Variants in ATP8B4 observed in about 807,000 individuals in gnomAD.
ATP8B4 encodes ATPase phospholipid transporting 8B4 (putative).
Under a neutral mutation model 145.6 loss-of-function variants are expected in ATP8B4, and 133 were observed. The ratio of observed to expected loss-of-function variants is 0.91; its 90% confidence interval spans 0.79 to 1.05. The LOEUF is 1.05. Among genes scored for constraint, ATP8B4 ranks in the 50% least tolerant of loss-of-function variants. The pLI is 0.00. For synonymous variants in ATP8B4, 507 were observed against 492.9 expected (o/e 1.03, Z -0.38); for missense variants, 1,458 against 1,425.2 (o/e 1.02, Z -0.37).
intron 12 of ATP8B4, among the ~76,000 whole-genome samples, chr15:49,976,060 C>T (rs557394539): frequency 5.9e-5 from 9 of 152,052 alleles, no homozygotes; most frequent in Non-Finnish European, 1.2e-4. Flanking sequence ...ACATGACATA[C>T]CTATGTTTCC....
At chr15:50,015,267 G>A (rs939289398) in intron 6 of ATP8B4, among the ~76,000 whole-genome samples, 3 of 152,182 alleles carry the variant, frequency 2.0e-5, no homozygotes, top group African/African-American at 7.2e-5. Context: ...GGGAAATTGG[G>A]ATGGAAGAGA....
chr15:49,904,637 T>C (rs1435087406), intron 20 of ATP8B4, among the ~76,000 whole-genome samples: 1 of 152,204 alleles, frequency 6.6e-6, no homozygotes, highest in Non-Finnish European at 1.5e-5. Flanking sequence ...GCCAACATGA[T>C]GTTCCCACTC....
chr15:49,889,433 C>T (rs549847098), intron 23 of ATP8B4, among the ~76,000 whole-genome samples: 1 of 152,292 alleles, frequency 6.6e-6, no homozygotes, highest in East Asian at 1.9e-4. Context: ...GAGTCTGGTC[C>T]GCGGGTTCTT....
rs769725370 is a variant in ATP8B4, at chr15:50,105,284, G to A, written c.28+1655C>T. On this transcript the variant is annotated intron_variant, in intron 2 of 27. Transcript: ENST00000284509. ...AAAAAAAAAAAAAAAGACCCCACGT[G>A]TGTGTTTGTACATATGAGGGCACGT... Among the ~76,000 whole-genome samples, 7 of 149,164 alleles carry A rather than the reference G, an allele frequency of 4.7e-5. 1 individual carries two copies. The highest frequency in any genetic ancestry group is 8.9e-5 in the Non-Finnish European group (6 of 67,648).
At chr15:49,910,020 C>T (rs1035554934) in intron 20 of ATP8B4, among the ~76,000 whole-genome samples, 1 of 151,598 alleles carries the variant, frequency 6.6e-6, no homozygotes, top group African/African-American at 2.4e-5. Flanking sequence ...ATGAAATTCC[C>T]ATAAAAATAA....
intron 23 of ATP8B4, among the ~76,000 whole-genome samples, chr15:49,889,123 G>A (rs1162397806): frequency 1.3e-5 from 2 of 151,858 alleles, no homozygotes; most frequent in African/African-American, 2.4e-5. Flanking sequence ...AAAAAAAAAA[G>A]GATATGGCCA....
intron 23 of ATP8B4, among the ~76,000 whole-genome samples, chr15:49,889,111 TA>T (rs1304871173): frequency 2.4e-4 from 36 of 147,294 alleles, no homozygotes; most frequent in Non-Finnish European, 2.3e-4. Flanking sequence ...ACAGTATTTT[TA>T]AAAAAAAAAA....
intron 2 of ATP8B4, among the ~76,000 whole-genome samples, chr15:50,084,092 G>A (rs1211504550): frequency 1.3e-5 from 2 of 152,112 alleles, no homozygotes; most frequent in African/African-American, 4.8e-5. Flanking sequence ...ACAAACCATG[G>A]AGTGTGCAGG....
chr15:50,010,855 T>G lies in ATP8B4; in HGVS notation c.425A>C (p.Gln142Pro). ...ATATTGAATACTTACAGCAACAAATTGGTTATTTTCTAATTTAATGATGTC... is the reference window on the plus strand; with the variant it reads ...ATATTGAATACTTACAGCAACAAATGGGTTATTTTCTAATTTAATGATGTC... ...VGDIIKLENN[Q>P]FVAADLLLLS... Residue 142 changes from glutamine (Q) to proline (P), a missense_variant, in exon 7 of 28, where the codon CAA (glutamine) becomes CCA (proline). Gln to Pro is a moderately conservative substitution (Grantham distance 76). Transcript: ENST00000284509. The G allele has an allele frequency of 6.4e-7, 1 of 1,557,250 alleles. No individual in the cohort carries two copies. Among genetic ancestry groups the G allele is most frequent in the South Asian group, 1.2e-5 (1 of 84,730 alleles).
intron 18 of ATP8B4, among the ~76,000 whole-genome samples, chr15:49,919,980 G>A (rs1195122550): frequency 6.6e-6 from 1 of 152,164 alleles, no homozygotes; most frequent in African/African-American, 2.4e-5. Flanking sequence ...ACCATCAGAG[G>A]TTGACAAAGA....
chr15:50,103,657 C>T (rs1435434737), intron 2 of ATP8B4, among the ~76,000 whole-genome samples: 1 of 152,092 alleles, frequency 6.6e-6, no homozygotes, highest in East Asian at 1.9e-4. Context: ...ACTATACTGC[C>T]AAAAGCAATC....
At chr15:49,892,647 T>C (rs764221360) in intron 23 of ATP8B4, among the ~76,000 whole-genome samples, 14 of 152,206 alleles carry the variant, frequency 9.2e-5, no homozygotes, top group Admixed American at 2.0e-4. Flanking sequence ...GAGCTCCATA[T>C]GGCACCTGTT....
rs138609762 is a variant in ATP8B4 at position 49,893,724 on chromosome 15, T to C, written c.2697+3568A>G. 2.0e-3 allele frequency among the ~76,000 whole-genome samples: 306 copies of C among 152,294 alleles called. 1 individual carries two copies. Among genetic ancestry groups the C allele is most frequent in the African/African-American group, 6.8e-3 (283 of 41,566 alleles). ...GAAAAAGTTTTAGAGATCTGTTACA[T>C]AACAATGTGTACATAGTTAGCACTA... On this transcript the variant is annotated intron_variant, in intron 23 of 27. Coordinates refer to ENST00000284509, the MANE Select transcript of ATP8B4 (RefSeq NM_024837.4).
intron 1 of ATP8B4, among the ~76,000 whole-genome samples, chr15:50,149,843 G>A (rs1279800894): frequency 1.3e-5 from 2 of 152,202 alleles, no homozygotes; most frequent in East Asian, 1.9e-4. Flanking sequence ...GCTCATGCCT[G>A]TAATCCCAGA....
chr15:50,075,637 G>C (rs138410452), intron 2 of ATP8B4, among the ~76,000 whole-genome samples: 3 of 152,256 alleles, frequency 2.0e-5, no homozygotes, highest in East Asian at 3.9e-4. Context: ...AACAGTTGAT[G>C]ATACCTAAAT....
chr15:49,860,411 C>G lies in ATP8B4; in HGVS notation c.3362G>C (p.Arg1121Pro). The stretch of plus-strand genomic sequence containing the variant: ...TCCAGACCTTCTTGAGCTTGACCTG[C>G]GGGTCCGAGGCCTTCGGCTACTTGG... ...RPPSSRRPRT[R>P]RSSSRRSGYA... Residue 1121 changes from arginine to proline, a missense_variant, in exon 28 of 28, where the codon CGC becomes CCC. Coordinates refer to ENST00000284509, the MANE Select transcript of ATP8B4 (RefSeq NM_024837.4). 1.2e-6 allele frequency: 2 copies of G among 1,614,092 alleles called. No homozygotes were observed. The highest frequency in any genetic ancestry group is 1.1e-5 in the South Asian group (1 of 91,082).
chr15:49,913,183 C>T (rs1599094406), intron 20 of ATP8B4, among the ~76,000 whole-genome samples: 1 of 150,592 alleles, frequency 6.6e-6, no homozygotes, highest in Admixed American at 6.6e-5. Flanking sequence ...TATAATACAC[C>T]ACGATCAAGT....
chr15:50,124,417 C>G (rs185515191), intron 1 of ATP8B4, among the ~76,000 whole-genome samples: 10 of 152,190 alleles, frequency 6.6e-5, no homozygotes, highest in African/African-American at 2.4e-4. Context: ...TTACTTATTA[C>G]TCAACTAACT....
chr15:50,038,303 T>C (rs989212353), intron 6 of ATP8B4, among the ~76,000 whole-genome samples: 1 of 152,076 alleles, frequency 6.6e-6, no homozygotes, highest in Non-Finnish European at 1.5e-5. Flanking sequence ...AATGAAAAAA[T>C]TGTACTATGG....
Sources: gnomAD v4.1 joint callset for allele counts (sites outside exome capture counted in the v4.1 genomes callset) on GRCh38, gnomAD v4.1.1 for gene constraint, MANE v1.5 for transcripts, NCBI Gene and HGNC (gene_info 2026-07-23, HGNC 2026-07-21) for gene names.